The following NOSTRIN variants were observed in gnomAD, a reference collection of about 807,000 sequenced individuals.
NOSTRIN encodes the protein BM247 homolog.
In NOSTRIN, 63 loss-of-function variants were observed where a neutral mutation model predicts 59.0. That is an observed-to-expected ratio of 1.07 (90% confidence interval 0.87 to 1.32). NOSTRIN has a LOEUF of 1.32. Among genes scored for constraint, NOSTRIN ranks in the 40% most tolerant of loss-of-function variants. The probability of loss-of-function intolerance (pLI) is 0.00; values close to 1 mark genes in which losing one functional copy is unlikely to be tolerated. For synonymous variants in NOSTRIN, 200 were observed against 165.4 expected (o/e 1.21, Z -1.61); for missense variants, 512 against 473.1 (o/e 1.08, Z -0.76).
rs772031272 is a variant in NOSTRIN at position 168,851,101 on chromosome 2, G to C, written c.648G>C (p.Glu216Asp). The C allele has an allele frequency of 2.6e-6, 4 of 1,535,624 alleles. No homozygotes were observed. The East Asian group carries it at 9.0e-5, about 34-fold the overall frequency. ...CTTTTCAGAGCATTCTGGAGCTGGA[G>C]AAGGAAAGAATTCAACTTTTATGCA... The part of the protein sequence containing the change: ...ENCYQSILEL[E>D]KERIQLLCNN... Residue 216 changes from glutamate to aspartate, a missense_variant, in exon 9 of 16, where the codon GAG becomes GAC. Glu to Asp is a conservative substitution (Grantham distance 45). Coordinates refer to ENST00000317647, the MANE Select transcript of NOSTRIN (RefSeq NM_001039724.4).
rs1415458030 is a variant in NOSTRIN at position 168,851,152 on chromosome 2, T to C, written c.699T>C (p.His233=). ...LCNNLNQYSQ[H]ISLFGQTLTT... is the part of the protein sequence containing the mutation. ...ATAACTTAAACCAGTACAGCCAACA[T>C]ATTTCTCTTTTTGGCCAAACCCTGA... The change falls in exon 9 of 16, where the codon CAT becomes CAC. Residue 233 remains histidine (H), a synonymous_variant. Coordinates refer to ENST00000317647, the MANE Select transcript of NOSTRIN (RefSeq NM_001039724.4). 6.2e-7 allele frequency: 1 copy of C among 1,611,214 alleles called. No individual in the cohort carries two copies. The highest frequency in any genetic ancestry group is 8.5e-7 in the Non-Finnish European group (1 of 1,177,268).
At chr2:168,794,353 ATT>A (rs61395235), upstream of NOSTRIN, among the ~76,000 whole-genome samples, 7 of 141,620 alleles carry the variant, frequency 4.9e-5, no homozygotes, top group African/African-American at 5.2e-5. Context: ...AAAAGGGATG[ATT>A]TTTTTTTTTT....
intron 7 of NOSTRIN, among the ~76,000 whole-genome samples, chr2:168,841,235 C>CAAAAAAAAAAAAAAAAAAAAAAAAA (rs57480764): frequency 5.6e-5 from 6 of 106,588 alleles, no homozygotes; most frequent in African/African-American, 2.1e-4. Flanking sequence ...ACCCTGTCTC[C>CAAAAAAAAAAAAAAAAAAAAAAAAA]AAAAAAAAAA....
intron 14 of NOSTRIN, 137 bp from the exon 15 acceptor site, chr2:168,861,823 A>G: frequency 1.4e-6 from 1 of 724,636 alleles, no homozygotes; most frequent in Non-Finnish European, 2.3e-6. Context: ...AACATTATAT[A>G]AAATTACAAA....
At chr2:168,797,072 CT>C (rs1168296049), upstream of NOSTRIN, among the ~76,000 whole-genome samples, 30 of 85,354 alleles carry the variant, frequency 3.5e-4, no homozygotes, top group African/African-American at 1.2e-3. Context: ...CTTTCTTTTT[CT>C]TTTTTCTTTT....
At chr2:168,806,956 A>T (rs1038318733) in intron 1 of NOSTRIN, among the ~76,000 whole-genome samples, 1 of 152,222 alleles carries the variant, frequency 6.6e-6, no homozygotes, top group Non-Finnish European at 1.5e-5. Context: ...TACTGTGATT[A>T]TACAGATTAG....
intron 7 of NOSTRIN, among the ~76,000 whole-genome samples, chr2:168,837,910 A>G (rs1384736430): frequency 6.6e-6 from 1 of 152,064 alleles, no homozygotes; most frequent in Non-Finnish European, 1.5e-5. Context: ...TTTAAATTAG[A>G]TTTCTTTATG....
chr2:168,847,271 TAGC>T (rs1006210916), intron 8 of NOSTRIN, among the ~76,000 whole-genome samples: 3 of 152,320 alleles, frequency 2.0e-5, no homozygotes, highest in African/African-American at 7.2e-5. Context: ...AATATGTTAA[TAGC>T]AGTCACTTCT....
intron 15 of NOSTRIN, among the ~76,000 whole-genome samples, chr2:168,864,230 G>A (rs1689698471): frequency 6.6e-6 from 1 of 151,672 alleles, no homozygotes; most frequent in Admixed American, 6.6e-5. Context: ...GCCCATCGCG[G>A]CCTCCCAACG....
intron 2 of NOSTRIN, among the ~76,000 whole-genome samples, chr2:168,816,035 T>G (rs1304653802): frequency 6.6e-6 from 1 of 152,220 alleles, no homozygotes; most frequent in African/African-American, 2.4e-5. Flanking sequence ...TCCACTGTTC[T>G]GGCAAAACTC....
At chr2:168,854,969 A>C (rs1688993337) in intron 10 of NOSTRIN, among the ~76,000 whole-genome samples, 1 of 152,214 alleles carries the variant, frequency 6.6e-6, no homozygotes, top group Admixed American at 6.5e-5. Flanking sequence ...ATAGCCTGAA[A>C]CACATACATG....
rs182986005 is a variant in NOSTRIN at position 168,819,356 on chromosome 2, G to T, written c.114-5278G>T. Among the ~76,000 whole-genome samples, 273 of 152,272 alleles carry T rather than the reference G, an allele frequency of 1.8e-3. 2 individuals are homozygous for T. The highest frequency in any genetic ancestry group is 2.9e-3 in the Non-Finnish European group (197 of 68,020). ...TACTGCCTCATTAGACCGGAAGCATGGAAGAGCCGTGGAAGTGTGCACGGA... is the reference window on the plus strand; with the variant it reads ...TACTGCCTCATTAGACCGGAAGCATTGAAGAGCCGTGGAAGTGTGCACGGA... On this transcript the variant is annotated intron_variant, in intron 2 of 15. Transcript: ENST00000317647.
At position 168,836,512 on chromosome 2, in the gene NOSTRIN, T is replaced by C. The variant is rs571147042; in HGVS notation, c.504+2187T>C. ...ACACCCAAGCGGGGGGCATTCATTT[T>C]CTCATCTCACATAGAAGCGCTCATG... On this transcript the variant is annotated intron_variant, in intron 7 of 15. Coordinates refer to ENST00000317647, the MANE Select transcript of NOSTRIN (RefSeq NM_001039724.4). Among the ~76,000 whole-genome samples, 3 of 152,334 alleles carry C rather than the reference T, an allele frequency of 2.0e-5. No individual in the cohort carries two copies. The East Asian group carries it at 5.8e-4, about 29-fold the overall frequency.
Position 168,860,860 on chromosome 2 carries a change from G to C in NOSTRIN, c.1245G>C (p.Val415=), listed in dbSNP as rs773294973. ...PFLMKRLENI[V]SKASSGGQSN... ...TAATGAAGAGATTAGAGAATATTGT[G>C]AGCAAGGCATCTTCTGGTGGGCAGA... The change falls in exon 14 of 16, where the codon GTG becomes GTC. Residue 415 remains valine (V), a synonymous_variant. Coordinates refer to ENST00000317647, the MANE Select transcript of NOSTRIN (RefSeq NM_001039724.4). The C allele has an allele frequency of 3.0e-5, 49 of 1,614,018 alleles. No individual in the cohort carries two copies. The South Asian group carries it at 5.3e-4, about 17-fold the overall frequency.
chr2:168,788,892 AAGAT>A (rs4000833), intron 2 of NOSTRIN, among the ~76,000 whole-genome samples: 23,808 of 148,260 alleles, frequency 0.16, 2,033 homozygotes, highest in Non-Finnish European at 0.19. Context: ...CACAGATAAA[AAGAT>A]AGATAGATAG....
At position 168,844,936 on chromosome 2, in the gene NOSTRIN, G is replaced by A. The variant is rs140837241; in HGVS notation, c.630+1819G>A. Among the ~76,000 whole-genome samples, 774 of 152,074 alleles carry A rather than the reference G, an allele frequency of 5.1e-3. 8 individuals are homozygous for A. Among genetic ancestry groups the A allele is most frequent in the African/African-American group, 0.017 (715 of 41,462 alleles). On this transcript the variant is annotated intron_variant, in intron 8 of 15. Coordinates refer to ENST00000317647, the MANE Select transcript of NOSTRIN (RefSeq NM_001039724.4). ...TATGCTCCTGCCCCATTGAAAACTG[G>A]GAGAGCAAAGGCTATATGGCAGGCG...
At chr2:168,834,517 A>ACG (rs1469301503) in intron 7 of NOSTRIN, among the ~76,000 whole-genome samples, 192 bp downstream of exon 7, 7 of 129,078 alleles carry the variant, frequency 5.4e-5, no homozygotes, top group African/African-American at 1.7e-4. Flanking sequence ...GCACACACAC[A>ACG]CACACACACA....
intron 11 of NOSTRIN, 150 bp from the exon 12 acceptor site, chr2:168,856,540 A>C (rs1574335861): frequency 1.6e-6 from 1 of 640,196 alleles, no homozygotes; most frequent in East Asian, 2.8e-5. Context: ...GCGCCACTGC[A>C]CTCCAGCCTG....
intron 2 of NOSTRIN, among the ~76,000 whole-genome samples, chr2:168,789,038 C>T (rs918343489): frequency 6.6e-6 from 1 of 152,140 alleles, no homozygotes; most frequent in Non-Finnish European, 1.5e-5. Flanking sequence ...TTTCTAAATC[C>T]ATCCTAAACC....
Sources: allele counts gnomAD v4.1 joint callset (sites outside exome capture counted in the v4.1 genomes callset), GRCh38; gene constraint gnomAD v4.1.1; transcripts MANE v1.5; gene names NCBI Gene and HGNC (gene_info 2026-07-23, HGNC 2026-07-21).